Variants in PLXNC1 observed in about 807,000 individuals in gnomAD.
PLXNC1 encodes the protein plexin C1, also known as plexin-C1.
A neutral mutation model predicts 178.2 loss-of-function variants in PLXNC1; 75 were observed. The ratio of observed to expected loss-of-function variants is 0.42; its 90% CI spans 0.35 to 0.51. PLXNC1 has a LOEUF of 0.51. Among genes scored for constraint, PLXNC1 ranks in the 20% least tolerant of loss-of-function variants. PLXNC1 has a pLI of 0.02. For missense variants in PLXNC1, 1,503 were observed against 1,984.4 expected, an observed-to-expected ratio of 0.76 and a Z score of 4.61; for synonymous variants, 790 against 779.9, an observed-to-expected ratio of 1.01 and a Z score of -0.22.
chr12:94,248,502 T>C (rs1161176984), intron 14 of PLXNC1, 90 bp downstream of exon 14: 16 of 1,003,440 alleles, frequency 1.6e-5, no homozygotes, highest in Non-Finnish European at 2.4e-5. Context: ...GAATCTTTCA[T>C]GGATCTTCAG....
At chr12:94,264,864 G>A (rs112963917) in intron 20 of PLXNC1, among the ~76,000 whole-genome samples, 2 of 152,352 alleles carry the variant, frequency 1.3e-5, no homozygotes, top group African/African-American at 2.4e-5. Flanking sequence ...ACGCGTGCGC[G>A]TGTGCAGATG....
At position 94,149,723 on chromosome 12, in the gene PLXNC1, AC is replaced by A. The variant is rs1437519664; in HGVS notation, c.753del (p.Tyr251Ter). 6.2e-7 allele frequency: 1 copy of A among 1,612,152 alleles called. No individual in the cohort carries two copies. The highest frequency in any genetic ancestry group is 8.5e-7 in the Non-Finnish European group (1 of 1,179,508). On this transcript the variant is annotated frameshift_variant, in exon 1 of 31. Coordinates refer to ENST00000258526, the MANE Select transcript of PLXNC1 (RefSeq NM_005761.3). LOFTEE classifies it high-confidence loss of function. ...NGSIYFPYYP[Y>X]NYTSGAATGW... ...AGCATCTACTTCCCCTACTACCCCT[AC>A]AACTACACGAGCGGCGCTGCCACCG...
intron 4 of PLXNC1, among the ~76,000 whole-genome samples, chr12:94,187,401 C>G (rs1388605517): frequency 6.6e-6 from 1 of 151,964 alleles, no homozygotes; most frequent in Non-Finnish European, 1.5e-5. Context: ...GCAATACAAG[C>G]AAGAGGTTTA....
rs1962480881 is a variant in PLXNC1, at chr12:94,185,642, T to A, written c.1339-731T>A. On this transcript the variant is annotated intron_variant, in intron 3 of 30. Coordinates refer to ENST00000258526, the MANE Select transcript of PLXNC1 (RefSeq NM_005761.3). ...ATGATTTGACTACTCCCCCTGTTTC[T>A]TTTATTTTCAACTCCACTGGAGGGG... is the stretch of plus-strand genomic sequence containing the variant. Among the ~76,000 whole-genome samples the A allele has an allele frequency of 2.0e-5, 3 of 152,202 alleles. No individual in the cohort carries two copies. In the South Asian group the frequency reaches 6.2e-4, roughly 32 times the overall value.
At chr12:94,296,642 G>A (rs1433189107) in intron 24 of PLXNC1, among the ~76,000 whole-genome samples, 1 of 152,156 alleles carries the variant, frequency 6.6e-6, no homozygotes, top group Admixed American at 6.5e-5. Context: ...GGACCTTCCT[G>A]CAATTTGCCT....
At chr12:94,297,143 C>G in intron 24 of PLXNC1, 46 bp from the exon 25 acceptor site, 1 of 1,606,154 alleles carries the variant, frequency 6.2e-7, no homozygotes, top group Non-Finnish European at 8.5e-7. Flanking sequence ...CCCATGGTTG[C>G]TTTTTTTAAT....
intron 9 of PLXNC1, among the ~76,000 whole-genome samples, chr12:94,231,090 C>T (rs1357396997): frequency 6.6e-6 from 1 of 152,070 alleles, no homozygotes; most frequent in Non-Finnish European, 1.5e-5. Flanking sequence ...CCTCTCTGTG[C>T]CCGGGGCTTT....
chr12:94,182,398 A>C (rs1257139387), intron 3 of PLXNC1, among the ~76,000 whole-genome samples: 1 of 118,954 alleles, frequency 8.4e-6, no homozygotes, highest in Non-Finnish European at 1.6e-5. Context: ...AGCCTGGGTG[A>C]TGGAGCAAGA....
chr12:94,189,328 TA>T (rs1476622135), intron 4 of PLXNC1, among the ~76,000 whole-genome samples: 26 of 152,228 alleles, frequency 1.7e-4, no homozygotes, highest in African/African-American at 6.0e-4. Context: ...AAGGACCTGA[TA>T]GGGGTAGGGA....
At chr12:94,301,645 C>A (rs1968478070) in intron 28 of PLXNC1, among the ~76,000 whole-genome samples, 1 of 152,134 alleles carries the variant, frequency 6.6e-6, no homozygotes, top group Non-Finnish European at 1.5e-5. Flanking sequence ...CTAAACTGAG[C>A]AATATCTGTG....
intron 1 of PLXNC1, among the ~76,000 whole-genome samples, chr12:94,165,041 C>T (rs1390862441): frequency 6.6e-6 from 1 of 152,008 alleles, no homozygotes; most frequent in African/African-American, 2.4e-5. Context: ...TACACACAGA[C>T]GAACAAGCAG....
At chr12:94,275,579 C>T (rs553822287) in intron 21 of PLXNC1, among the ~76,000 whole-genome samples, 1 of 86,222 alleles carries the variant, frequency 1.2e-5, no homozygotes, top group African/African-American at 5.0e-5. Flanking sequence ...TTTGGCCGGG[C>T]GCGGTGGCTC....
At chr12:94,256,908 G>A (rs1199774363) in intron 17 of PLXNC1, among the ~76,000 whole-genome samples, 1 of 147,474 alleles carries the variant, frequency 6.8e-6, no homozygotes, top group Non-Finnish European at 1.5e-5. Context: ...AAGAGAGATA[G>A]TTGCAAAGGA....
intron 3 of PLXNC1, among the ~76,000 whole-genome samples, chr12:94,182,859 GTATCTATCTATCTATC>G (rs59933010): frequency 1.2e-4 from 18 of 144,042 alleles, no homozygotes; most frequent in African/African-American, 4.0e-4. Flanking sequence ...AAGAATATCT[GTATCTATCTATCTATC>G]TATCTATCTA....
At chr12:94,244,582 C>T (rs746765498) in intron 12 of PLXNC1, among the ~76,000 whole-genome samples, 11 of 152,174 alleles carry the variant, frequency 7.2e-5, no homozygotes, top group Non-Finnish European at 1.0e-4. Context: ...CACCTTTGCC[C>T]GATTCTCCCA....
intron 23 of PLXNC1, among the ~76,000 whole-genome samples, chr12:94,293,775 C>T (rs565856861): frequency 4.5e-4 from 68 of 152,234 alleles, no homozygotes; most frequent in Non-Finnish European, 8.2e-4. Flanking sequence ...TGCACCAATG[C>T]GCCCAGATAA....
At chr12:94,175,968 G>C (rs1339383672) in intron 2 of PLXNC1, among the ~76,000 whole-genome samples, 1 of 152,204 alleles carries the variant, frequency 6.6e-6, no homozygotes, top group Admixed American at 6.5e-5. Context: ...TCTCAGAGGA[G>C]GTGATGTTGG....
chr12:94,188,843 G>A (rs1962617690), intron 4 of PLXNC1, among the ~76,000 whole-genome samples: 1 of 152,240 alleles, frequency 6.6e-6, no homozygotes, highest in African/African-American at 2.4e-5. Context: ...GGGAAGGTAG[G>A]GACTCTGGGC....
chr12:94,268,136 C>T (rs779240074), intron 21 of PLXNC1, among the ~76,000 whole-genome samples: 32 of 152,194 alleles, frequency 2.1e-4, no homozygotes, highest in Non-Finnish European at 3.2e-4. Context: ...CACTCGTGTT[C>T]AGCTAAATGC....
Sources: gnomAD v4.1 joint callset for allele counts (sites outside exome capture counted in the v4.1 genomes callset) on GRCh38, gnomAD v4.1.1 for gene constraint, MANE v1.5 for transcripts, NCBI Gene and HGNC (gene_info 2026-07-23, HGNC 2026-07-21) for gene names.